PPP4R3A: variants seen among roughly 807,000 people sequenced by gnomAD.
The protein encoded by PPP4R3A is serine/threonine-protein phosphatase 4 regulatory subunit 3A.
A neutral mutation model predicts 91.7 loss-of-function variants in PPP4R3A; 15 were observed. That is an observed-to-expected ratio of 0.16 (90% confidence interval 0.11 to 0.25). The LOEUF (loss-of-function observed/expected upper bound fraction) is 0.25. Among genes scored for constraint, PPP4R3A ranks in the 10% least tolerant of loss-of-function variants. PPP4R3A has a pLI of 1.00. For missense variants in PPP4R3A, 623 were observed against 998.4 expected, an observed-to-expected ratio of 0.62 and a Z score of 5.07; for synonymous variants, 377 against 348.7, an observed-to-expected ratio of 1.08 and a Z score of -0.91.
At chr14:91,462,359 T>G (rs1400198129) in intron 12 of PPP4R3A, 120 bp from the exon 13 acceptor site, 6 of 979,896 alleles carry the variant, frequency 6.1e-6, no homozygotes, top group Non-Finnish European at 6.9e-6. Context: ...TATTAAAGTA[T>G]CAATGTAAAT....
In PPP4R3A at chr14:91,509,721, C is replaced by A; in HGVS notation, c.-74G>T. On this transcript the variant is annotated 5_prime_UTR_variant, in exon 1 of 15. Transcript: ENST00000554943. ...AAAGGGGCCCTGGAGAGGCGAGGGG[C>A]GAGGCGTGAGGGCGCCCGCGAGCGG... 2.0e-6 allele frequency: 3 copies of A among 1,468,546 alleles called. No homozygotes were observed. The highest frequency in any genetic ancestry group is 2.7e-6 in the Non-Finnish European group (3 of 1,117,898). 91.0% of individuals were successfully genotyped at this position (1,468,546 alleles called of 1,614,324 possible).
At chr14:91,507,434 A>G (rs192925850) in intron 1 of PPP4R3A, among the ~76,000 whole-genome samples, 16,709 of 78,056 alleles carry the variant, frequency 0.21, 3,671 homozygotes, top group Non-Finnish European at 0.27. Context: ...ATATACTATA[A>G]TTATATATAC....
At chr14:91,496,252 T>A (rs765764899) in intron 1 of PPP4R3A, among the ~76,000 whole-genome samples, 6 of 152,208 alleles carry the variant, frequency 3.9e-5, no homozygotes, top group Non-Finnish European at 8.8e-5. Context: ...TGAAAATTCA[T>A]CAAATTGAAT....
rs193282910 is a variant in PPP4R3A, at chr14:91,492,810, C to T, written c.143-2008G>A. On this transcript the variant is annotated intron_variant, in intron 1 of 14. Transcript: ENST00000554943. ...CTGTTTTAATCTTCTTCCTCTTTAT[C>T]CAACTTTTGCCAGATTAATCAAAAC... Among the ~76,000 whole-genome samples, 601 of 152,274 alleles carry T rather than the reference C, an allele frequency of 3.9e-3. 8 individuals carry two copies. Among genetic ancestry groups the T allele is most frequent in the African/African-American group, 0.013 (552 of 41,564 alleles).
At chr14:91,488,634 T>C (rs1890038176) in intron 2 of PPP4R3A, among the ~76,000 whole-genome samples, 1 of 152,166 alleles carries the variant, frequency 6.6e-6, no homozygotes, top group African/African-American at 2.4e-5. Flanking sequence ...CTAAATACTT[T>C]ACAAGGTTAT....
At chr14:91,494,185 G>C (rs1890402588) in intron 1 of PPP4R3A, among the ~76,000 whole-genome samples, 1 of 152,124 alleles carries the variant, frequency 6.6e-6, no homozygotes, top group East Asian at 1.9e-4. Flanking sequence ...TGAAAGAATT[G>C]CATTACTTTA....
intron 1 of PPP4R3A, among the ~76,000 whole-genome samples, chr14:91,508,939 C>G (rs1412789999): frequency 6.6e-6 from 1 of 152,164 alleles, no homozygotes; most frequent in Non-Finnish European, 1.5e-5. Context: ...AAAATCTTCG[C>G]AAGGGAAAGC....
intron 10 of PPP4R3A, 125 bp from the exon 11 acceptor site, chr14:91,465,544 T>A (rs542041638): frequency 1.3e-6 from 1 of 786,344 alleles, no homozygotes; most frequent in Non-Finnish European, 1.9e-6. Context: ...ATTTATGATG[T>A]TTGCACTTCC....
At chr14:91,471,119 A>G in intron 9 of PPP4R3A, 124 bp from the exon 10 acceptor site, 1 of 885,572 alleles carries the variant, frequency 1.1e-6, no homozygotes. Context: ...AACTTTAGGG[A>G]GGAGGAAATT....
chr14:91,475,630 A>G, intron 7 of PPP4R3A, 181 bp downstream of exon 7: 1 of 508,358 alleles, frequency 2.0e-6, no homozygotes, highest in Non-Finnish European at 3.4e-6. Flanking sequence ...ATGAACATAA[A>G]TAGTTGCTGT....
chr14:91,472,994 A>G (rs757900512), intron 9 of PPP4R3A, 39 bp downstream of exon 9: 1 of 1,585,422 alleles, frequency 6.3e-7, no homozygotes, highest in African/African-American at 1.4e-5. Flanking sequence ...TTCAGCATTC[A>G]AGAACAGAGA....
Position 91,477,006 on chromosome 14 carries a change from T to C in PPP4R3A, c.916-20A>G, listed in dbSNP as rs779685527. On this transcript the variant is annotated intron_variant, in intron 4 of 14. Coordinates refer to ENST00000554943, the MANE Select transcript of PPP4R3A (RefSeq NM_001366432.2). ...ATCTTCCTGTGAAACAAAGGACAAA[T>C]GCAATTATGTTAATGCTAAGATTGT... The C allele has an allele frequency of 1.3e-6, 2 of 1,558,696 alleles. No homozygotes were observed. The highest frequency in any genetic ancestry group is 8.8e-7 in the Non-Finnish European group (1 of 1,140,790).
At chr14:91,472,458 G>GT (rs76707705) in intron 9 of PPP4R3A, among the ~76,000 whole-genome samples, 18,471 of 131,574 alleles carry the variant, frequency 0.14, 2,048 homozygotes, top group Non-Finnish European at 0.21. Context: ...CAGGAAAATT[G>GT]TTTTTTTTTT....
chr14:91,476,612 C>T, intron 5 of PPP4R3A, 88 bp from the exon 6 acceptor site: 8 of 977,500 alleles, frequency 8.2e-6, no homozygotes, highest in Non-Finnish European at 1.2e-5. Flanking sequence ...GTTGCCGACG[C>T]TGGAGTGCAA....
intron 1 of PPP4R3A, among the ~76,000 whole-genome samples, chr14:91,500,330 G>A (rs572667720): frequency 7.8e-4 from 119 of 152,126 alleles, no homozygotes; most frequent in African/African-American, 2.7e-3. Flanking sequence ...CCTCCAGAGT[G>A]GCTGGGACTA....
chr14:91,484,666 C>T (rs1007973067), intron 3 of PPP4R3A, among the ~76,000 whole-genome samples: 1 of 152,114 alleles, frequency 6.6e-6, no homozygotes, highest in Non-Finnish European at 1.5e-5. Context: ...TCCAGTAGGT[C>T]TGGGGTCGGC....
rs775939697 is a variant in PPP4R3A, at chr14:91,458,294, C to CTA, written c.*463_*464dup. ...GTTTTCCAAACCTGTTGTAGCTTGA[C>CTA]TAAAATGTTCAGAATGTATGATTTT... On this transcript the variant is annotated 3_prime_UTR_variant, in exon 15 of 15. Transcript: ENST00000554943. The CTA allele has an allele frequency of 5.8e-6, 1 of 173,132 alleles. No individual in the cohort carries two copies. Among genetic ancestry groups the CTA allele is most frequent in the South Asian group, 1.4e-4 (1 of 7,294 alleles). The allele number at this position is 173,132 out of a possible 1,614,324, so 10.7% of individuals were successfully genotyped here. A position where few individuals can be genotyped will look rare whatever the true frequency, so the allele number is the denominator to read the frequency against.
intron 1 of PPP4R3A, among the ~76,000 whole-genome samples, chr14:91,507,547 A>ATGC (rs1891469260): frequency 2.2e-5 from 2 of 89,926 alleles, no homozygotes; most frequent in African/African-American, 9.0e-5. Context: ...TATATATTAT[A>ATGC]TATAGTTATA....
rs186918805 is a variant in PPP4R3A, at chr14:91,481,615, A to G, written c.876T>C (p.Phe292=). 1.9e-6 allele frequency: 3 copies of G among 1,594,180 alleles called. No homozygotes were observed. The highest frequency in any genetic ancestry group is 2.2e-5 in the East Asian group (1 of 44,734). The change falls in exon 4 of 15, where the codon TTT becomes TTC. Residue 292 remains phenylalanine, a synonymous_variant. Transcript: ENST00000554943. ...CAATCTCTACCTTATTGAAAAAGATAAAAGAGTGAAGTGTTGATAACATGT... is the reference window on the plus strand; with the variant it reads ...CAATCTCTACCTTATTGAAAAAGATGAAAGAGTGAAGTGTTGATAACATGT... ...EENMLSTLHS[F]IFFNKVEIVG...
Sources: gnomAD v4.1 joint callset for allele counts (sites outside exome capture counted in the v4.1 genomes callset) on GRCh38, gnomAD v4.1.1 for gene constraint, MANE v1.5 for transcripts, NCBI Gene and HGNC (gene_info 2026-07-23, HGNC 2026-07-21) for gene names.